The following PTPN6 variants were observed in gnomAD, a reference collection of about 807,000 sequenced individuals.
PTPN6 encodes the protein protein tyrosine phosphatase non-receptor type 6.
Under a neutral mutation model 81.5 loss-of-function variants are expected in PTPN6, and 18 were observed. The ratio of observed to expected loss-of-function variants is 0.22; its 90% confidence interval spans 0.15 to 0.33. The LOEUF (loss-of-function observed/expected upper bound fraction) is 0.33, where lower values mean the gene tolerates loss of function less well. Among genes scored for constraint, PTPN6 ranks in the 10% least tolerant of loss-of-function variants. The pLI is 1.00. For missense variants in PTPN6, 500 were observed against 794.2 expected, an observed-to-expected ratio of 0.63 and a Z score of 4.45; for synonymous variants, 301 against 310.9, an observed-to-expected ratio of 0.97 and a Z score of 0.33.
upstream of PTPN6, chr12:6,951,258 C>T (rs1945917994): frequency 6.9e-7 from 1 of 1,439,312 alleles, no homozygotes; most frequent in Non-Finnish European, 9.1e-7. The surrounding 1 kb of genome is among the most constrained non-coding windows in gnomAD (Gnocchi z 7.2). Flanking sequence ...CTCTGCTTCT[C>T]TTCCCTTGCT....
Position 6,954,788 on chromosome 12 carries a change from G to C in PTPN6, c.327-17G>C. The C allele has an allele frequency of 6.2e-7, 1 of 1,612,164 alleles. No homozygotes were observed. The highest frequency in any genetic ancestry group is 2.2e-5 in the East Asian group (1 of 44,872). Reference sequence around the variant, plus strand: ...CTGTGGCCTGGGTCTTACCTTCCCTGACGCTGCCTTCTCTAGGTGGTACCA... The same window carrying C: ...CTGTGGCCTGGGTCTTACCTTCCCTCACGCTGCCTTCTCTAGGTGGTACCA... On this transcript the variant is annotated splice_polypyrimidine_tract_variant and intron_variant, in intron 3 of 15. Transcript: ENST00000318974. This position sits in a 1 kb window ranked among gnomAD's most constrained non-coding sequence, Gnocchi z 5.4.
chr12:6,956,682 TTGTTGGGAAAC>T lies in PTPN6; in HGVS notation c.1074+117_1074+127del. The T allele has an allele frequency of 2.8e-6, 4 of 1,419,904 alleles. No homozygotes were observed. The highest frequency in any genetic ancestry group is 3.9e-6 in the Non-Finnish European group (4 of 1,031,202). The allele number at this position is 1,419,904 out of a possible 1,614,324, so 88.0% of individuals were successfully genotyped here. ...GATCTCAGGGGTGAGGGTCCGGCCCTTGTTGGGAAACTGAGGGCTAGTGACAAAGTCTCGAC... is the reference window on the plus strand; with the variant it reads ...GATCTCAGGGGTGAGGGTCCGGCCCTTGAGGGCTAGTGACAAAGTCTCGAC... On this transcript the variant is annotated intron_variant, in intron 9 of 15. Coordinates refer to ENST00000318974, the MANE Select transcript of PTPN6 (RefSeq NM_002831.6). The surrounding 1 kb of genome is among the most constrained non-coding windows in gnomAD (Gnocchi z 4.1).
upstream of PTPN6, chr12:6,946,745 T>A: frequency 6.2e-7 from 1 of 1,611,664 alleles, no homozygotes; most frequent in East Asian, 2.2e-5. Context: ...CGTGGGTAAG[T>A]CCCGGGCACC....
upstream of PTPN6, chr12:6,946,787 G>T: frequency 6.4e-7 from 1 of 1,572,088 alleles, no homozygotes; most frequent in Non-Finnish European, 8.7e-7. Context: ...TAGTTTTGGA[G>T]GGAGGGAGGG....
upstream of PTPN6, among the ~76,000 whole-genome samples, chr12:6,948,385 G>T (rs1165441357): frequency 6.7e-6 from 1 of 149,180 alleles, no homozygotes; most frequent in African/African-American, 2.5e-5. Flanking sequence ...GCAGTGAGTT[G>T]GATTGTGACA....
chr12:6,956,343 G>A lies in PTPN6; in HGVS notation c.925-76G>A, dbSNP rs1946030474. On this transcript the variant is annotated intron_variant, in intron 8 of 15. Coordinates refer to ENST00000318974, the MANE Select transcript of PTPN6 (RefSeq NM_002831.6). This position sits in a 1 kb window ranked among gnomAD's most constrained non-coding sequence, Gnocchi z 4.1. ...AAGCTGGCTTCTTGCATGGGTGAGGGTGGCAGTGGTTCAGGGCCTGTGCTG... is the reference window on the plus strand; with the variant it reads ...AAGCTGGCTTCTTGCATGGGTGAGGATGGCAGTGGTTCAGGGCCTGTGCTG... 6.2e-7 allele frequency: 1 copy of A among 1,611,966 alleles called. No individual in the cohort carries two copies. The highest frequency in any genetic ancestry group is 8.5e-7 in the Non-Finnish European group (1 of 1,178,192).
Position 6,957,849 on chromosome 12 carries a change from G to T in PTPN6, c.1206+64G>T, listed in dbSNP as rs1250535944. ...CTCCCTGGACTTGTTCTCCTCTCTG[G>T]TCGGGTAGGGTGAGATGGATGAGGT... On this transcript the variant is annotated intron_variant, in intron 10 of 15. Transcript: ENST00000318974. This position sits in a 1 kb window ranked among gnomAD's most constrained non-coding sequence, Gnocchi z 6.5. The T allele has an allele frequency of 4.3e-6, 7 of 1,614,034 alleles. No individual in the cohort carries two copies. The East Asian group carries it at 1.3e-4, about 31-fold the overall frequency.
chr12:6,959,513 A>C lies in PTPN6; in HGVS notation c.1362-414A>C. 3 of 318,192 alleles carry C rather than the reference A, an allele frequency of 9.4e-6. No homozygotes were observed. Among genetic ancestry groups the C allele is most frequent in the East Asian group, 7.9e-5 (1 of 12,622 alleles). The allele number at this position is 318,192 out of a possible 1,614,324, so 19.7% of individuals were successfully genotyped here. A position where few individuals can be genotyped will look rare whatever the true frequency, so the allele number is the denominator to read the frequency against. On this transcript the variant is annotated intron_variant, in intron 11 of 15. Transcript: ENST00000318974. This position sits in a 1 kb window ranked among gnomAD's most constrained non-coding sequence, Gnocchi z 6.6. ...TTCCCTGACGTCAGGGTTTGAAGGA[A>C]AAGGGAAGTGAAGCCATGCTGAGAG...
At position 6,960,341 on chromosome 12, in the gene PTPN6, C is replaced by T. The variant is rs1555149595; in HGVS notation, c.1582-3C>T. On this transcript the variant is annotated splice_region_variant and splice_polypyrimidine_tract_variant and intron_variant, in intron 13 of 15. Transcript: ENST00000318974. This position sits in a 1 kb window ranked among gnomAD's most constrained non-coding sequence, Gnocchi z 6.1. The stretch of plus-strand genomic sequence containing the variant: ...CACCTTCCCACTGTCCCTCTGCCCA[C>T]AGTCGCAGAAGGGCCAGGAGTCGGA... 2.5e-6 allele frequency: 4 copies of T among 1,613,152 alleles called. No homozygotes were observed. Among genetic ancestry groups the T allele is most frequent in the Non-Finnish European group, 3.4e-6 (4 of 1,179,930 alleles).
chr12:6,951,319 C>T, upstream of PTPN6: 1 of 1,501,382 alleles, frequency 6.7e-7, no homozygotes, highest in Non-Finnish European at 8.9e-7. This position sits in a 1 kb window ranked among gnomAD's most constrained non-coding sequence, Gnocchi z 7.2. Context: ...GTCGGCCGCG[C>T]CTCTTCCTGT....
chr12:6,953,078 G>A (rs1247014747), intron 3 of PTPN6: 1 of 152,096 alleles, frequency 6.6e-6, no homozygotes, highest in Non-Finnish European at 1.5e-5. Flanking sequence ...CTGAGATTCG[G>A]GCCTCCAAAC....
rs782034662 is a variant in PTPN6 at position 6,960,259 on chromosome 12, T to TGGGCGG, written c.1581+23_1581+24insCGGGGG. On this transcript the variant is annotated intron_variant, in intron 13 of 15. Transcript: ENST00000318974. The surrounding 1 kb of genome is among the most constrained non-coding windows in gnomAD (Gnocchi z 6.1). ...CTGCAGGTGCGTGCAGAGCAGGGCC[T>TGGGCGG]GGGGGGGGGGGGGGCTGCAGTGCAG... is the stretch of plus-strand genomic sequence containing the variant. 27 of 1,147,790 alleles carry TGGGCGG rather than the reference T, an allele frequency of 2.4e-5. No individual in the cohort carries two copies. The African/African-American group carries it at 4.6e-4, about 19-fold the overall frequency. The allele number at this position is 1,147,790 out of a possible 1,614,324, so 71.1% of individuals were successfully genotyped here. A position where few individuals can be genotyped will look rare whatever the true frequency, so the allele number is the denominator to read the frequency against.
In PTPN6 at chr12:6,959,488, T is replaced by C. The variant is rs1741381103; in HGVS notation, c.1362-439T>C. 2 of 295,662 alleles carry C rather than the reference T, an allele frequency of 6.8e-6. No individual in the cohort carries two copies. Among genetic ancestry groups the C allele is most frequent in the South Asian group, 6.5e-5 (2 of 30,916 alleles). The allele number at this position is 295,662 out of a possible 1,614,324, so 18.3% of individuals were successfully genotyped here. On this transcript the variant is annotated intron_variant, in intron 11 of 15. Coordinates refer to ENST00000318974, the MANE Select transcript of PTPN6 (RefSeq NM_002831.6). The surrounding 1 kb of genome is among the most constrained non-coding windows in gnomAD (Gnocchi z 6.6). ...CACCCTGCTGTCTCAGGGCTATCCT[T>C]TCCCTGACGTCAGGGTTTGAAGGAA...
At chr12:6,961,089 G>C in intron 15 of PTPN6, 37 bp from the exon 16 acceptor site, 2 of 1,345,102 alleles carry the variant, frequency 1.5e-6, no homozygotes, top group Non-Finnish European at 2.0e-6. Context: ...CCAGGTTCCA[G>C]CTACCCTCTC....
Position 6,960,211 on chromosome 12 carries a change from C to T in PTPN6, c.1553C>T (p.Thr518Ile). ...GTGGCCATCGCCCAGTTCATTGAAACCACTAAGAAGAAGCTGGAGGTCCTG... is the reference window on the plus strand; with the variant it reads ...GTGGCCATCGCCCAGTTCATTGAAATCACTAAGAAGAAGCTGGAGGTCCTG... ...IYVAIAQFIE[T>I]TKKKLEVLQS... The change falls in exon 13 of 16, where the codon ACC becomes ATC. Residue 518 changes from threonine (T) to isoleucine (I), a missense_variant. Transcript: ENST00000318974. This position sits in a 1 kb window ranked among gnomAD's most constrained non-coding sequence, Gnocchi z 6.1. 6.2e-7 allele frequency: 1 copy of T among 1,612,016 alleles called. No individual in the cohort carries two copies. The highest frequency in any genetic ancestry group is 8.5e-7 in the Non-Finnish European group (1 of 1,179,870).
At position 6,959,140 on chromosome 12, in the gene PTPN6, G is replaced by A. The variant is rs781906048; in HGVS notation, c.1362-787G>A. 1.3e-4 allele frequency among the ~76,000 whole-genome samples: 20 copies of A among 152,346 alleles called. No individual in the cohort carries two copies. Among genetic ancestry groups the A allele is most frequent in the African/African-American group, 4.3e-4 (18 of 41,578 alleles). The stretch of plus-strand genomic sequence containing the variant: ...TAGAGGTGCCCCCGATGGGCTGTCC[G>A]GGGACGCGGCTCTGTCCTGTGCTCT... On this transcript the variant is annotated intron_variant, in intron 11 of 15. Coordinates refer to ENST00000318974, the MANE Select transcript of PTPN6 (RefSeq NM_002831.6). The surrounding 1 kb of genome is among the most constrained non-coding windows in gnomAD (Gnocchi z 6.6).
rs782427893 is a variant in PTPN6, at chr12:6,956,676, C to G, written c.1074+108C>G. The G allele has an allele frequency of 9.5e-6, 14 of 1,466,066 alleles. No homozygotes were observed. In the East Asian group the frequency reaches 3.3e-4, roughly 34 times the overall value. 90.8% of individuals were successfully genotyped at this position (1,466,066 alleles called of 1,614,324 possible). On this transcript the variant is annotated intron_variant, in intron 9 of 15. Transcript: ENST00000318974. This position sits in a 1 kb window ranked among gnomAD's most constrained non-coding sequence, Gnocchi z 4.1. ...GAAAGGGATCTCAGGGGTGAGGGTC[C>G]GGCCCTTGTTGGGAAACTGAGGGCT...
In PTPN6 at chr12:6,954,930, G is replaced by A. The variant is rs1945998123; in HGVS notation, c.452G>A (p.Ser151Asn). Residue 151 changes from serine to asparagine, a missense_variant, in exon 4 of 16, where the codon AGT becomes AAT. Physicochemically the swap from Ser to Asn is conservative, Grantham distance 46 (BLOSUM62 1). Transcript: ENST00000318974. The surrounding 1 kb of genome is among the most constrained non-coding windows in gnomAD (Gnocchi z 5.4). The part of the protein sequence containing the change: ...QPGDFVLSVL[S>N]DQPKAGPGSP... ...GGAGACTTCGTGCTTTCTGTGCTCA[G>A]TGACCAGCCCAAGGCTGGCCCAGGC... 6.2e-7 allele frequency: 1 copy of A among 1,614,114 alleles called. No homozygotes were observed. The highest frequency in any genetic ancestry group is 1.3e-5 in the African/African-American group (1 of 74,948).
At position 6,955,804 on chromosome 12, in the gene PTPN6, A is replaced by C. The variant is rs374730285; in HGVS notation, c.844+48A>C. 2 of 1,549,370 alleles carry C rather than the reference A, an allele frequency of 1.3e-6. No individual in the cohort carries two copies. The highest frequency in any genetic ancestry group is 1.8e-6 in the Non-Finnish European group (2 of 1,123,024). Reference sequence around the variant, plus strand: ...TCACCCAGGATACCGCCCCTGCCCCAGCTGCCTCCCCTCATCTCACAGGTC... The same window carrying C: ...TCACCCAGGATACCGCCCCTGCCCCCGCTGCCTCCCCTCATCTCACAGGTC... On this transcript the variant is annotated intron_variant, in intron 7 of 15. Transcript: ENST00000318974. The surrounding 1 kb of genome is among the most constrained non-coding windows in gnomAD (Gnocchi z 7.2).
Sources: gnomAD v4.1 joint callset for allele counts (sites outside exome capture counted in the v4.1 genomes callset) on GRCh38, gnomAD v4.1.1 for gene constraint, Gnocchi (gnomAD v3.1) non-coding constraint, MANE v1.5 for transcripts, NCBI Gene and HGNC (gene_info 2026-07-23, HGNC 2026-07-21) for gene names.